The following SLC4A10 variants were observed in gnomAD, a reference collection of about 807,000 sequenced individuals.
The protein encoded by SLC4A10 is sodium-driven chloride bicarbonate exchanger.
In SLC4A10, 42 loss-of-function variants were observed where a neutral mutation model predicts 137.7. That is an observed-to-expected ratio of 0.30 (90% CI 0.24 to 0.39). The LOEUF is 0.39. SLC4A10 is among the 10% of genes least tolerant of loss of function. The pLI is 1.00. For synonymous variants in SLC4A10, 474 were observed against 464.1 expected (o/e 1.02, Z -0.27); for missense variants, 925 against 1,355.0 (o/e 0.68, Z 4.98).
Position 161,812,739 on chromosome 2 carries a change from G to A in SLC4A10, c.277+8144G>A, listed in dbSNP as rs549189430. ...CTGCACAGTATTCCATGGTGTATAT[G>A]TACCACATTTTCTTTATCCACCTCA... is the stretch of plus-strand genomic sequence containing the variant. On this transcript the variant is annotated intron_variant, in intron 3 of 26. Transcript: ENST00000446997. 5.3e-5 allele frequency among the ~76,000 whole-genome samples: 8 copies of A among 152,030 alleles called. No individual in the cohort carries two copies. In the East Asian group the frequency reaches 1.5e-3, roughly 29 times the overall value.
chr2:161,694,902 T>C lies in SLC4A10; in HGVS notation c.48+70336T>C, dbSNP rs185521150. Among the ~76,000 whole-genome samples the C allele has an allele frequency of 5.3e-5, 8 of 152,020 alleles. No homozygotes were observed. In the East Asian group the frequency reaches 1.2e-3, roughly 22 times the overall value. On this transcript the variant is annotated intron_variant, in intron 1 of 26. Coordinates refer to ENST00000446997, the MANE Select transcript of SLC4A10 (RefSeq NM_001178015.2). ...TTTCAAAAATCTTAGTATGTCAACA[T>C]TGAATTTTTTTTATATCTTTGTGTC...
chr2:161,715,384 G>T (rs968495217), intron 1 of SLC4A10, among the ~76,000 whole-genome samples: 1 of 152,012 alleles, frequency 6.6e-6, no homozygotes, highest in African/African-American at 2.4e-5. Context: ...TGCAGGATAC[G>T]CAGGTCTGTT....
intron 23 of SLC4A10, among the ~76,000 whole-genome samples, chr2:161,966,647 G>A (rs1401562721): frequency 6.6e-6 from 1 of 151,794 alleles, no homozygotes; most frequent in Non-Finnish European, 1.5e-5. Flanking sequence ...TACTCAGGAG[G>A]CTGAGGCAGG....
intron 4 of SLC4A10, among the ~76,000 whole-genome samples, chr2:161,842,547 T>A (rs192870631): frequency 2.8e-4 from 43 of 152,242 alleles, no homozygotes; most frequent in Non-Finnish European, 5.9e-5. Flanking sequence ...TTTGGAACAC[T>A]TTAAATTGGT....
intron 1 of SLC4A10, among the ~76,000 whole-genome samples, chr2:161,658,576 G>A (rs538851533): frequency 6.8e-6 from 1 of 146,844 alleles, no homozygotes; most frequent in Admixed American, 7.0e-5. Context: ...TTTTTACCAT[G>A]TGTTTAAGAA....
chr2:161,869,581 AAACTTGT>A (rs2060980292), intron 6 of SLC4A10, among the ~76,000 whole-genome samples: 1 of 151,604 alleles, frequency 6.6e-6, no homozygotes, highest in African/African-American at 2.4e-5. Context: ...AACCCAAATC[AAACTTGT>A]TAGCTTAATT....
chr2:161,714,512 C>G (rs556997156), intron 1 of SLC4A10, among the ~76,000 whole-genome samples: 1 of 151,868 alleles, frequency 6.6e-6, no homozygotes, highest in Non-Finnish European at 1.5e-5. Context: ...TGAAACTACT[C>G]TTTCTAAAAG....
intron 2 of SLC4A10, among the ~76,000 whole-genome samples, chr2:161,791,847 A>T (rs1009546781): frequency 5.3e-5 from 8 of 152,178 alleles, no homozygotes; most frequent in African/African-American, 1.9e-4. Context: ...ATTTCCAGGT[A>T]AATTTGAAAA....
In SLC4A10 at chr2:161,712,899, A is replaced by G. The variant is rs535202921; in HGVS notation, c.49-58074A>G. On this transcript the variant is annotated intron_variant, in intron 1 of 26. Coordinates refer to ENST00000446997, the MANE Select transcript of SLC4A10 (RefSeq NM_001178015.2). ...AAAAACAAATATACAAAATCCTACAATGTTCTAGAAAGAATTGTACTGGGC... is the reference window on the plus strand; with the variant it reads ...AAAAACAAATATACAAAATCCTACAGTGTTCTAGAAAGAATTGTACTGGGC... Among the ~76,000 whole-genome samples the G allele has an allele frequency of 9.2e-5, 14 of 151,954 alleles. No homozygotes were observed. In the South Asian group the frequency reaches 2.9e-3, roughly 31 times the overall value.
intron 6 of SLC4A10, among the ~76,000 whole-genome samples, chr2:161,864,474 T>C (rs1376073332): frequency 6.6e-6 from 1 of 152,132 alleles, no homozygotes; most frequent in Non-Finnish European, 1.5e-5. Context: ...CTTTATTAAA[T>C]AGATAAAGAT....
intron 1 of SLC4A10, among the ~76,000 whole-genome samples, chr2:161,745,769 A>G (rs2048328126): frequency 6.6e-6 from 1 of 152,156 alleles, no homozygotes; most frequent in African/African-American, 2.4e-5. Flanking sequence ...CAATTGCTGT[A>G]GCCATATCTG....
At chr2:161,916,693 G>A (rs1056785097) in intron 15 of SLC4A10, among the ~76,000 whole-genome samples, 3 of 152,104 alleles carry the variant, frequency 2.0e-5, no homozygotes, top group African/African-American at 7.2e-5. Context: ...TGGCCCTTCT[G>A]TAAACACATT....
intron 1 of SLC4A10, among the ~76,000 whole-genome samples, chr2:161,697,855 T>C (rs1028757831): frequency 1.3e-5 from 2 of 152,244 alleles, no homozygotes; most frequent in African/African-American, 4.8e-5. Flanking sequence ...AAGTCATTGG[T>C]AGCTTGATGG....
intron 24 of SLC4A10, among the ~76,000 whole-genome samples, chr2:161,975,857 T>C (rs1367979780): frequency 6.6e-6 from 1 of 152,188 alleles, no homozygotes; most frequent in African/African-American, 2.4e-5. Context: ...GTCAGGAGGC[T>C]ACTGAAATGG....
At chr2:161,871,522 C>A (rs1394286999) in intron 6 of SLC4A10, among the ~76,000 whole-genome samples, 1 of 151,950 alleles carries the variant, frequency 6.6e-6, no homozygotes, top group East Asian at 1.9e-4. Flanking sequence ...CCTTTTCTAG[C>A]CATTGCCACA....
At chr2:161,811,899 C>T (rs543469266) in intron 3 of SLC4A10, among the ~76,000 whole-genome samples, 1 of 152,130 alleles carries the variant, frequency 6.6e-6, no homozygotes, top group African/African-American at 2.4e-5. Context: ...TTCTTATCAT[C>T]TTTGAAACAT....
intron 1 of SLC4A10, among the ~76,000 whole-genome samples, chr2:161,695,608 A>G (rs2042403967): frequency 6.6e-6 from 1 of 152,136 alleles, no homozygotes; most frequent in South Asian, 2.1e-4. Context: ...AGGCTTCTCA[A>G]TATTGTGCTG....
At chr2:161,893,009 C>A (rs1285389162) in intron 10 of SLC4A10, among the ~76,000 whole-genome samples, 1 of 152,012 alleles carries the variant, frequency 6.6e-6, no homozygotes, top group Admixed American at 6.6e-5. Flanking sequence ...ATCACTTAGG[C>A]CCCCTGTGCT....
intron 3 of SLC4A10, among the ~76,000 whole-genome samples, chr2:161,839,196 A>G (rs982663507): frequency 2.0e-5 from 3 of 152,236 alleles, no homozygotes; most frequent in Admixed American, 1.3e-4. Flanking sequence ...GCATTTGCTA[A>G]GTGAATAAAG....
Sources: allele counts gnomAD v4.1 joint callset (sites outside exome capture counted in the v4.1 genomes callset), GRCh38; gene constraint gnomAD v4.1.1; transcripts MANE v1.5; gene names NCBI Gene and HGNC (gene_info 2026-07-23, HGNC 2026-07-21).